Variants in GRIA1 observed in about 807,000 individuals in gnomAD.
GRIA1 encodes the protein glutamate receptor 1.
GRIA1 carries 31 observed loss-of-function variants against 99.2 expected under a neutral mutation model. The observed-to-expected ratio is 0.31, with a 90% CI of 0.23 to 0.42. The LOEUF (loss-of-function observed/expected upper bound fraction) is 0.42, where lower values mean the gene tolerates loss of function less well. Among genes scored for constraint, GRIA1 ranks in the 10% least tolerant of loss-of-function variants. GRIA1 has a pLI of 1.00. For missense variants in GRIA1, 782 were observed against 1,157.5 expected, an observed-to-expected ratio of 0.68 and a Z score of 4.71; for synonymous variants, 438 against 432.4, an observed-to-expected ratio of 1.01 and a Z score of -0.16.
chr5:153,805,670 G>A (rs921688562), intron 15 of GRIA1, among the ~76,000 whole-genome samples: 1 of 152,104 alleles, frequency 6.6e-6, no homozygotes, highest in Non-Finnish European at 1.5e-5. Context: ...TAATGCCTGG[G>A]ATCCTCTTAA....
At chr5:153,617,920 T>C (rs1766666990) in intron 2 of GRIA1, among the ~76,000 whole-genome samples, 1 of 152,196 alleles carries the variant, frequency 6.6e-6, no homozygotes, top group Non-Finnish European at 1.5e-5. Flanking sequence ...CACCATGCTT[T>C]GGGCTTCTCT....
intron 11 of GRIA1, among the ~76,000 whole-genome samples, chr5:153,731,384 T>G (rs1761012084): frequency 6.6e-6 from 1 of 152,006 alleles, no homozygotes; most frequent in Non-Finnish European, 1.5e-5. Context: ...ATACTCCTTC[T>G]TCACAATTCA....
intron 13 of GRIA1, among the ~76,000 whole-genome samples, chr5:153,788,815 C>A (rs563342324): frequency 2.4e-4 from 36 of 152,304 alleles, no homozygotes; most frequent in African/African-American, 8.4e-4. Context: ...GGGTTTATGG[C>A]AAAGTATTAT....
At chr5:153,620,769 T>A (rs1766966879) in intron 2 of GRIA1, among the ~76,000 whole-genome samples, 6 of 152,200 alleles carry the variant, frequency 3.9e-5, no homozygotes, top group Admixed American at 3.9e-4. Context: ...AATGGTATAA[T>A]CCAAGGTTGA....
intron 2 of GRIA1, among the ~76,000 whole-genome samples, chr5:153,615,857 A>T (rs1409603716): frequency 6.6e-6 from 1 of 152,190 alleles, no homozygotes; most frequent in Non-Finnish European, 1.5e-5. Flanking sequence ...ACACAGAAAC[A>T]AGAACTTAGT....
rs1766790057 is a variant in GRIA1 at position 153,811,134 on chromosome 5, G to A, written c.2630G>A (p.Arg877Gln). ...ASSGGSGENGRVVSHDFPKSM... is the reference protein window; with the variant it reads ...ASSGGSGENGQVVSHDFPKSM... ...AGCGGCGGCAGTGGAGAGAATGGTC[G>A]GGTGGTCAGCCATGACTTCCCCAAG... Residue 877 changes from arginine to glutamine, a missense_variant, in exon 16 of 16, where the codon CGG becomes CAG. Arg to Gln is a conservative substitution (Grantham distance 43). Coordinates refer to ENST00000285900, the MANE Select transcript of GRIA1 (RefSeq NM_000827.4). 1 of 1,614,082 alleles carries A rather than the reference G, an allele frequency of 6.2e-7. No homozygotes were observed. The highest frequency in any genetic ancestry group is 8.5e-7 in the Non-Finnish European group (1 of 1,179,966).
chr5:153,560,542 T>G (rs1379919531), intron 2 of GRIA1, among the ~76,000 whole-genome samples: 1 of 152,230 alleles, frequency 6.6e-6, no homozygotes, highest in African/African-American at 2.4e-5. Flanking sequence ...ATAAGTCTCA[T>G]GAGATCTGAT....
chr5:153,572,344 C>T (rs1361016217), intron 2 of GRIA1, among the ~76,000 whole-genome samples: 2 of 152,134 alleles, frequency 1.3e-5, no homozygotes, highest in East Asian at 3.9e-4. Context: ...AAGAGTACAC[C>T]ATCAAGAAAG....
intron 2 of GRIA1, among the ~76,000 whole-genome samples, chr5:153,615,637 C>T (rs916831364): frequency 1.3e-5 from 2 of 152,132 alleles, no homozygotes; most frequent in African/African-American, 4.8e-5. Context: ...AAGCAAGATC[C>T]TGCCTATTAA....
intron 11 of GRIA1, among the ~76,000 whole-genome samples, chr5:153,719,296 A>G (rs1269801103): frequency 6.6e-6 from 1 of 151,912 alleles, no homozygotes; most frequent in Non-Finnish European, 1.5e-5. Context: ...ATAACAAACC[A>G]CTCCAAACTC....
intron 5 of GRIA1, among the ~76,000 whole-genome samples, chr5:153,664,220 G>A (rs925552370): frequency 2.0e-5 from 3 of 152,192 alleles, no homozygotes; most frequent in Admixed American, 2.0e-4. Context: ...TATGTGCCAA[G>A]CACTGTTCTC....
At position 153,603,757 on chromosome 5, in the gene GRIA1, T is replaced by A. The variant is rs541215527; in HGVS notation, c.221-43171T>A. Among the ~76,000 whole-genome samples, 4 of 152,316 alleles carry A rather than the reference T, an allele frequency of 2.6e-5. No individual in the cohort carries two copies. The East Asian group carries it at 7.7e-4, about 29-fold the overall frequency. On this transcript the variant is annotated intron_variant, in intron 2 of 15. Transcript: ENST00000285900. ...TGAGTGAACAAGAAGGGACTGATCA[T>A]GTCTTTGCCAGTTGCCACCGCCTAG...
chr5:153,789,284 C>T lies in GRIA1; in HGVS notation c.2271-5337C>T, dbSNP rs578257844. On this transcript the variant is annotated intron_variant, in intron 13 of 15. Transcript: ENST00000285900. ...GTTCATAATGGAAGACCATCACCTT[C>T]CTTTGTATGATTCTAATACCTCTTT... 2.1e-4 allele frequency among the ~76,000 whole-genome samples: 31 copies of T among 151,130 alleles called. No homozygotes were observed. The South Asian group carries it at 6.1e-3, about 30-fold the overall frequency.
chr5:153,684,304 T>C (rs1296505742), intron 7 of GRIA1, among the ~76,000 whole-genome samples: 1 of 152,174 alleles, frequency 6.6e-6, no homozygotes, highest in Non-Finnish European at 1.5e-5. Flanking sequence ...ACAATAATAA[T>C]AACAGCTGGC....
At position 153,552,324 on chromosome 5, in the gene GRIA1, T is replaced by C. The variant is rs558042955; in HGVS notation, c.220+58259T>C. Among the ~76,000 whole-genome samples the C allele has an allele frequency of 6.6e-5, 10 of 152,282 alleles. No homozygotes were observed. The South Asian group carries it at 1.7e-3, about 25-fold the overall frequency. ...TAACAGCCGAATGCTGGCCACGTCC[T>C]GTAAGAACCCACACTCTCCAGTTTG... On this transcript the variant is annotated intron_variant, in intron 2 of 15. Coordinates refer to ENST00000285900, the MANE Select transcript of GRIA1 (RefSeq NM_000827.4).
intron 11 of GRIA1, among the ~76,000 whole-genome samples, chr5:153,713,814 T>A (rs1480730019): frequency 6.6e-6 from 1 of 152,198 alleles, no homozygotes; most frequent in Non-Finnish European, 1.5e-5. Flanking sequence ...TTCACAGAGC[T>A]GAAAGGGATA....
intron 2 of GRIA1, among the ~76,000 whole-genome samples, chr5:153,609,988 C>T (rs1038165409): frequency 2.0e-5 from 3 of 152,154 alleles, no homozygotes; most frequent in Non-Finnish European, 4.4e-5. Context: ...GAGAAGAACT[C>T]CTAAAGCCCC....
intron 2 of GRIA1, among the ~76,000 whole-genome samples, chr5:153,609,738 T>G (rs1190931974): frequency 6.6e-6 from 1 of 151,884 alleles, no homozygotes; most frequent in Non-Finnish European, 1.5e-5. Flanking sequence ...AATTTTTGTA[T>G]TTTTAGTAGA....
intron 12 of GRIA1, 134 bp from the exon 13 acceptor site, chr5:153,770,034 C>T (rs1763768300): frequency 8.3e-6 from 7 of 840,416 alleles, no homozygotes; most frequent in Non-Finnish European, 1.3e-5. Context: ...TTTGCAATCA[C>T]TCATAATTTG....
Sources: gnomAD v4.1 joint callset for allele counts (sites outside exome capture counted in the v4.1 genomes callset) on GRCh38, gnomAD v4.1.1 for gene constraint, MANE v1.5 for transcripts, NCBI Gene and HGNC (gene_info 2026-07-23, HGNC 2026-07-21) for gene names.